The following BIN3 variants were observed in gnomAD, a reference collection of about 807,000 sequenced individuals.
The protein encoded by BIN3 is bridging integrator 3.
A neutral mutation model predicts 38.2 loss-of-function variants in BIN3; 41 were observed. That is an observed-to-expected ratio of 1.07 (90% confidence interval 0.84 to 1.39). The LOEUF is 1.39. Ranked by LOEUF, BIN3 falls within the 40% of genes most tolerant of loss-of-function variation. BIN3 has a pLI of 0.00. For synonymous variants in BIN3, 145 were observed against 122.6 expected (o/e 1.18, Z -1.21); for missense variants, 361 against 324.3 (o/e 1.11, Z -0.87).
chr8:22,622,628 A>G (rs1490526176), intron 8 of BIN3: 1 of 152,300 alleles, frequency 6.6e-6, no homozygotes. Flanking sequence ...CTGCCTGGTT[A>G]AAGGGCATCC....
chr8:22,622,651 C>G (rs1415227431), intron 8 of BIN3: 1 of 152,300 alleles, frequency 6.6e-6, no homozygotes, highest in Non-Finnish European at 1.5e-5. Flanking sequence ...GGCCTCCCAT[C>G]TGCTCCAACC....
In BIN3 at chr8:22,659,598, C is replaced by T. The variant is rs117461978; in HGVS notation, c.8+9446G>A. Among the ~76,000 whole-genome samples the T allele has an allele frequency of 2.1e-4, 32 of 152,338 alleles. No individual in the cohort carries two copies. The East Asian group carries it at 6.2e-3, about 29-fold the overall frequency. ...ACTATTGCCAGACTCTGCACAGGCACTGCTGATACATCCGTTTATTTGAAG... is the reference window on the plus strand; with the variant it reads ...ACTATTGCCAGACTCTGCACAGGCATTGCTGATACATCCGTTTATTTGAAG... On this transcript the variant is annotated intron_variant, in intron 1 of 8. Transcript: ENST00000276416.
In BIN3 at chr8:22,624,059, A is replaced by C. The variant is rs1801928847; in HGVS notation, c.481-10T>G. 6.2e-7 allele frequency: 1 copy of C among 1,611,356 alleles called. No individual in the cohort carries two copies. The highest frequency in any genetic ancestry group is 1.3e-5 in the African/African-American group (1 of 74,904). On this transcript the variant is annotated splice_polypyrimidine_tract_variant and intron_variant, in intron 7 of 8. Coordinates refer to ENST00000276416, the MANE Select transcript of BIN3 (RefSeq NM_018688.6). ...GCAGCTCCTCTCGTGCCTAGGGAAC[A>C]AGACCTGGGTGTCAAAACTCTCTCA... is the stretch of plus-strand genomic sequence containing the variant.
In BIN3 at chr8:22,621,459, C is replaced by CT; in HGVS notation, c.724dup (p.Ser242LysfsTer2). 1 of 1,613,866 alleles carries CT rather than the reference C, an allele frequency of 6.2e-7. No homozygotes were observed. The highest frequency in any genetic ancestry group is 8.5e-7 in the Non-Finnish European group (1 of 1,179,872). On this transcript the variant is annotated frameshift_variant, in exon 9 of 9. Coordinates refer to ENST00000276416, the MANE Select transcript of BIN3 (RefSeq NM_018688.6). LOFTEE classifies it high-confidence loss of function. ...CACAATGGAGAGGGCCCGGAGCTCA[C>CT]TGAGTTTGGCCTCGTTCTCCCGCTC...
chr8:22,646,568 C>A (rs1802720793), intron 1 of BIN3, among the ~76,000 whole-genome samples: 1 of 152,184 alleles, frequency 6.6e-6, no homozygotes, highest in African/African-American at 2.4e-5. Context: ...TTCTGGAGGA[C>A]ATCCTGTTTA....
At chr8:22,653,503 A>G (rs1209571606) in intron 1 of BIN3, among the ~76,000 whole-genome samples, 1 of 152,204 alleles carries the variant, frequency 6.6e-6, no homozygotes, top group Non-Finnish European at 1.5e-5. Flanking sequence ...ACAAAAGGTA[A>G]CCGTTACACA....
At chr8:22,634,278 T>C (rs1028295770) in intron 4 of BIN3, 36 of 306,206 alleles carry the variant, frequency 1.2e-4, no homozygotes, top group South Asian at 8.1e-4. Flanking sequence ...GTGACACACA[T>C]AGTTTGGCAA....
chr8:22,645,906 T>A (rs775002001), intron 1 of BIN3, among the ~76,000 whole-genome samples: 2 of 152,150 alleles, frequency 1.3e-5, no homozygotes, highest in Admixed American at 6.5e-5. Context: ...TGGAAAATAA[T>A]CTGAAATCCA....
chr8:22,625,406 G>A (rs1478827870), intron 6 of BIN3: 1 of 702,590 alleles, frequency 1.4e-6, no homozygotes, highest in Non-Finnish European at 2.6e-6. Context: ...AGAAGAGTTG[G>A]TTCCTCCTGG....
chr8:22,621,733 C>A (rs1235696018), intron 8 of BIN3, among the ~76,000 whole-genome samples, 165 bp from the exon 9 acceptor site: 1 of 152,218 alleles, frequency 6.6e-6, no homozygotes, highest in Admixed American at 6.5e-5. Context: ...CTAGCTGAGA[C>A]TGAACCAAAA....
intron 1 of BIN3, among the ~76,000 whole-genome samples, chr8:22,650,097 A>C (rs1181437265): frequency 2.0e-5 from 3 of 152,132 alleles, no homozygotes; most frequent in African/African-American, 4.8e-5. Context: ...TAACCTCATC[A>C]CTTACTGCTG....
At chr8:22,664,461 G>A (rs1803347163) in intron 1 of BIN3, among the ~76,000 whole-genome samples, 1 of 152,230 alleles carries the variant, frequency 6.6e-6, no homozygotes, top group African/African-American at 2.4e-5. Context: ...TTAGGCAGGG[G>A]CCCCATAGGT....
intron 1 of BIN3, among the ~76,000 whole-genome samples, chr8:22,668,204 G>A (rs190315966): frequency 2.1e-3 from 327 of 152,312 alleles, no homozygotes; most frequent in Non-Finnish European, 3.6e-3. Flanking sequence ...CCCCAGGAAG[G>A]CAGGCAAGTC....
At chr8:22,644,986 G>A (rs1015728810) in intron 1 of BIN3, 183 bp from the exon 2 acceptor site, 1 of 556,144 alleles carries the variant, frequency 1.8e-6, no homozygotes, top group Non-Finnish European at 3.3e-6. Flanking sequence ...TTCTAAGAGA[G>A]AGATAGGTCC....
chr8:22,655,596 T>A (rs1286411705), intron 1 of BIN3, among the ~76,000 whole-genome samples: 5 of 152,136 alleles, frequency 3.3e-5, no homozygotes, highest in Non-Finnish European at 7.4e-5. Context: ...TATGTAAGGG[T>A]TTATTTCAAT....
chr8:22,662,840 T>TA (rs373131992), intron 1 of BIN3, among the ~76,000 whole-genome samples: 138 of 152,216 alleles, frequency 9.1e-4, no homozygotes, highest in African/African-American at 3.2e-3. Flanking sequence ...GGTCATTCTT[T>TA]AAAAAAACAA....
chr8:22,655,008 C>A (rs1803011823), intron 1 of BIN3, among the ~76,000 whole-genome samples: 1 of 152,160 alleles, frequency 6.6e-6, no homozygotes, highest in Admixed American at 6.5e-5. Context: ...TTTTAGCCAT[C>A]CTAGTGGGTA....
chr8:22,669,073 G>A lies in BIN3; in HGVS notation c.-22C>T. The A allele has an allele frequency of 6.3e-7, 1 of 1,591,026 alleles. No individual in the cohort carries two copies. Among genetic ancestry groups the A allele is most frequent in the East Asian group, 2.3e-5 (1 of 43,554 alleles). The stretch of plus-strand genomic sequence containing the variant: ...TCATGGTCCCGAACCTGCGTCTGCC[G>A]CCGGGGTCCTCAGCCACAACTCGTT... On this transcript the variant is annotated 5_prime_UTR_variant, in exon 1 of 9. Transcript: ENST00000276416.
At chr8:22,648,598 C>T (rs1469561668) in intron 1 of BIN3, among the ~76,000 whole-genome samples, 2 of 152,154 alleles carry the variant, frequency 1.3e-5, no homozygotes, top group Non-Finnish European at 2.9e-5. Flanking sequence ...TGTCAACATG[C>T]CTTACCCTGC....
Sources: allele counts gnomAD v4.1 joint callset (sites outside exome capture counted in the v4.1 genomes callset), GRCh38; gene constraint gnomAD v4.1.1; transcripts MANE v1.5; gene names NCBI Gene and HGNC (gene_info 2026-07-23, HGNC 2026-07-21).